Variants in KCNC1 observed in about 807,000 individuals in gnomAD.
KCNC1 encodes potassium voltage-gated channel subfamily C member 1.
In KCNC1, 8 loss-of-function variants were observed where a neutral mutation model predicts 43.4. The observed-to-expected ratio is 0.18, with a 90% CI of 0.11 to 0.33. The LOEUF is 0.33. Among genes scored for constraint, KCNC1 ranks in the 10% least tolerant of loss-of-function variants. The probability of loss-of-function intolerance (pLI) is 1.00; values close to 1 mark genes in which losing one functional copy is unlikely to be tolerated. For missense variants in KCNC1, 420 were observed against 836.0 expected, an observed-to-expected ratio of 0.50 and a Z score of 6.14; for synonymous variants, 361 against 360.5, an observed-to-expected ratio of 1.00 and a Z score of -0.01.
rs759197392 is a variant in KCNC1 at position 17,779,867 on chromosome 11, G to T, written c.1693+223G>T. The T allele has an allele frequency of 3.3e-4, 136 of 413,402 alleles. No homozygotes were observed. Among genetic ancestry groups the T allele is most frequent in the Non-Finnish European group, 4.8e-4 (113 of 234,062 alleles). The allele number at this position is 413,402 out of a possible 1,614,324, so 25.6% of individuals were successfully genotyped here. A position where few individuals can be genotyped will look rare whatever the true frequency, so the allele number is the denominator to read the frequency against. ...AGAACTTGAGGCCCTGGCAGCTGTG[G>T]GTTGCTGGGAGTTGAGAGGGGATTG... On this transcript the variant is annotated intron_variant, in intron 3 of 3. Transcript: ENST00000265969. The surrounding 1 kb of genome is among the most constrained non-coding windows in gnomAD (Gnocchi z 7.2).
intron 1 of KCNC1, among the ~76,000 whole-genome samples, chr11:17,740,977 G>A (rs541410925): frequency 6.6e-6 from 1 of 152,118 alleles, no homozygotes; most frequent in Non-Finnish European, 1.5e-5. Flanking sequence ...GAGGGCTGGG[G>A]GACAGAGCTA....
chr11:17,770,044 T>C lies in KCNC1; in HGVS notation c.571-1621T>C, dbSNP rs527878725. On this transcript the variant is annotated intron_variant, in intron 1 of 3. Transcript: ENST00000265969. ...GTGGTTTGGAAGGTCCACATAATTC[T>C]TGGTTCCCAGATCCCTGCCAGGTTG... is the stretch of plus-strand genomic sequence containing the variant. 1.4e-3 allele frequency among the ~76,000 whole-genome samples: 207 copies of C among 152,356 alleles called. 1 individual carries two copies. Among genetic ancestry groups the C allele is most frequent in the African/African-American group, 4.4e-3 (181 of 41,574 alleles).
chr11:17,754,027 C>T (rs1458577506), intron 1 of KCNC1, among the ~76,000 whole-genome samples: 1 of 152,222 alleles, frequency 6.6e-6, no homozygotes, highest in East Asian at 1.9e-4. Context: ...CTTGTGCGCA[C>T]TCTCCATGAA....
intron 1 of KCNC1, among the ~76,000 whole-genome samples, chr11:17,740,403 C>A (rs1182847605): frequency 6.6e-6 from 1 of 152,064 alleles, no homozygotes; most frequent in African/African-American, 2.4e-5. Flanking sequence ...CTGGGGCAAC[C>A]TTTGAGGGGC....
At chr11:17,761,095 C>T (rs1408220675) in intron 1 of KCNC1, among the ~76,000 whole-genome samples, 2 of 152,208 alleles carry the variant, frequency 1.3e-5, no homozygotes, top group African/African-American at 2.4e-5. Context: ...GTCCCCCTCA[C>T]CTCGAGGACC....
At position 17,772,297 on chromosome 11, in the gene KCNC1, G is replaced by T; in HGVS notation, c.1203G>T (p.Leu401=). ...GGGCCGTGGTCACCATGACGACCCT[G>T]GGCTATGGAGACATGTACCCGCAGA... is the stretch of plus-strand genomic sequence containing the variant. ...FWWAVVTMTT[L]GYGDMYPQTW... The change falls in exon 2 of 4, where the codon CTG becomes CTT. Residue 401 remains leucine (L), a synonymous_variant. Transcript: ENST00000265969. The T allele has an allele frequency of 6.2e-7, 1 of 1,614,220 alleles. No homozygotes were observed. Among genetic ancestry groups the T allele is most frequent in the South Asian group, 1.1e-5 (1 of 91,080 alleles).
rs1159746484 is a variant in KCNC1 at position 17,736,555 on chromosome 11, T to G, written c.553T>G (p.Ser185Ala). 6.4e-7 allele frequency: 1 copy of G among 1,555,010 alleles called. No individual in the cohort carries two copies. Among genetic ancestry groups the G allele is most frequent in the Non-Finnish European group, 8.6e-7 (1 of 1,161,196 alleles). The change falls in exon 1 of 4, where the codon TCG becomes GCG. Residue 185 changes from serine to alanine, a missense_variant. This residue lies in a region of KCNC1 where 151 missense variants were observed against 216.7 expected (regional missense o/e 0.70). Transcript: ENST00000265969. This position sits in a 1 kb window ranked among gnomAD's most constrained non-coding sequence, Gnocchi z 9.3. Reference sequence around the variant, plus strand: ...CTGGGCGCTCTTCGAGGACCCGTACTCGTCCCGCTACGCGCGGGTAAGTGA... The same window carrying G: ...CTGGGCGCTCTTCGAGGACCCGTACGCGTCCCGCTACGCGCGGGTAAGTGA... The part of the protein sequence containing the change: ...RIWALFEDPY[S>A]SRYARYVAFA...
chr11:17,738,745 C>A (rs1434792676), intron 1 of KCNC1, among the ~76,000 whole-genome samples: 1 of 152,244 alleles, frequency 6.6e-6, no homozygotes, highest in African/African-American at 2.4e-5. Flanking sequence ...TGAAAAAAAT[C>A]TCTGAAGTGA....
rs1335122112 is a variant in KCNC1 at position 17,773,560 on chromosome 11, G to T, written c.1504+962G>T. ...CTTTCCCGTGAATTCACTGGGGGCC[G>T]GGAGGGGGGAGGGGGGCATGAAACA... On this transcript the variant is annotated intron_variant, in intron 2 of 3. Transcript: ENST00000265969. The surrounding 1 kb of genome is among the most constrained non-coding windows in gnomAD (Gnocchi z 4.1). The T allele has an allele frequency of 7.1e-6, 7 of 984,810 alleles. No homozygotes were observed. Among genetic ancestry groups the T allele is most frequent in the African/African-American group, 1.8e-5 (1 of 57,074 alleles). The allele number at this position is 984,810 out of a possible 1,614,324, so 61.0% of individuals were successfully genotyped here. A position where few individuals can be genotyped will look rare whatever the true frequency, so the allele number is the denominator to read the frequency against.
intron 1 of KCNC1, among the ~76,000 whole-genome samples, chr11:17,749,702 G>A (rs968300384): frequency 6.6e-6 from 1 of 152,234 alleles, no homozygotes; most frequent in Non-Finnish European, 1.5e-5. Flanking sequence ...GCTGGGCCCT[G>A]TAAACCCACG....
At position 17,772,537 on chromosome 11, in the gene KCNC1, C is replaced by T; in HGVS notation, c.1443C>T (p.His481=). Residue 481 remains histidine, a synonymous_variant, in exon 2 of 4, where the codon CAC becomes CAT. Coordinates refer to ENST00000265969, the MANE Select transcript of KCNC1 (RefSeq NM_001112741.2). ...AATCTGTCGTAAACTCTCCACACCA[C>T]AGTACTCAGAGTGACACATGTCCGC... ...YCKSVVNSPH[H]STQSDTCPLA... 1 of 1,614,222 alleles carries T rather than the reference C, an allele frequency of 6.2e-7. No individual in the cohort carries two copies. The highest frequency in any genetic ancestry group is 2.2e-5 in the East Asian group (1 of 44,888).
rs527769858 is a variant in KCNC1, at chr11:17,776,658, G to A, written c.1505-2798G>A. 5.0e-4 allele frequency: 491 copies of A among 985,204 alleles called. 2 individuals are homozygous for A. The African/African-American group carries it at 7.9e-3, about 16-fold the overall frequency. The allele number at this position is 985,204 out of a possible 1,614,324, so 61.0% of individuals were successfully genotyped here. On this transcript the variant is annotated intron_variant, in intron 2 of 3. Coordinates refer to ENST00000265969, the MANE Select transcript of KCNC1 (RefSeq NM_001112741.2). This position sits in a 1 kb window ranked among gnomAD's most constrained non-coding sequence, Gnocchi z 4.4. ...GTCTAGTGGGGGCCTGGGGGCCCTG[G>A]GCTGGGGGAGGCAGGGCCCCCAGCC... is the stretch of plus-strand genomic sequence containing the variant.
At chr11:17,745,949 C>G (rs1848893988) in intron 1 of KCNC1, among the ~76,000 whole-genome samples, 1 of 152,196 alleles carries the variant, frequency 6.6e-6, no homozygotes, top group Non-Finnish European at 1.5e-5. Context: ...CCCCACTAGA[C>G]TGTACAGTCC....
intron 2 of KCNC1, among the ~76,000 whole-genome samples, chr11:17,778,705 G>C (rs892897691): frequency 1.3e-5 from 2 of 152,210 alleles, no homozygotes; most frequent in African/African-American, 4.8e-5. Context: ...GGACTGGTCT[G>C]TATGGGGGGT....
intron 1 of KCNC1, among the ~76,000 whole-genome samples, chr11:17,743,366 C>T (rs16934680): frequency 0.19 from 29,530 of 152,068 alleles, 3,152 homozygotes; most frequent in African/African-American, 0.28. Context: ...TTTGAATTTC[C>T]GTCTGGGTCT....
intron 1 of KCNC1, among the ~76,000 whole-genome samples, chr11:17,740,438 G>C (rs978946058): frequency 5.3e-5 from 8 of 152,114 alleles, no homozygotes; most frequent in African/African-American, 1.9e-4. Flanking sequence ...CAGGTGGAGA[G>C]GGCAGGGGGG....
In KCNC1 at chr11:17,771,871, G is replaced by A. The variant is rs1590106495; in HGVS notation, c.777G>A (p.Glu259=). 1 of 1,614,202 alleles carries A rather than the reference G, an allele frequency of 6.2e-7. No homozygotes were observed. Among genetic ancestry groups the A allele is most frequent in the Non-Finnish European group, 8.5e-7 (1 of 1,180,018 alleles). ...EGVCVVWFTF[E]FLMRVIFCPN... ...TCTGTGTGGTCTGGTTCACCTTCGA[G>A]TTCCTCATGCGTGTCATCTTCTGCC... is the stretch of plus-strand genomic sequence containing the variant. Residue 259 remains glutamate (E), a synonymous_variant, in exon 2 of 4, where the codon GAG becomes GAA. Transcript: ENST00000265969. The surrounding 1 kb of genome is among the most constrained non-coding windows in gnomAD (Gnocchi z 4.7).
Position 17,777,137 on chromosome 11 carries a change from C to A in KCNC1, c.1505-2319C>A, listed in dbSNP as rs1166258728. 3.0e-6 allele frequency: 3 copies of A among 984,148 alleles called. No homozygotes were observed. Among genetic ancestry groups the A allele is most frequent in the Non-Finnish European group, 3.6e-6 (3 of 829,490 alleles). The allele number at this position is 984,148 out of a possible 1,614,324, so 61.0% of individuals were successfully genotyped here. ...CTTTAGTGATTGTGAGAGCTGGGAG[C>A]CCCCAGGGCCTGGGGGCTTGTGGAC... On this transcript the variant is annotated intron_variant, in intron 2 of 3. Transcript: ENST00000265969. This position sits in a 1 kb window ranked among gnomAD's most constrained non-coding sequence, Gnocchi z 4.3.
chr11:17,764,189 C>T (rs2133798947), intron 1 of KCNC1, among the ~76,000 whole-genome samples: 1 of 149,546 alleles, frequency 6.7e-6, no homozygotes, highest in East Asian at 2.0e-4. Context: ...ACAAACCACA[C>T]ATAGCCCCAT....
Sources: allele counts gnomAD v4.1 joint callset (sites outside exome capture counted in the v4.1 genomes callset), GRCh38; gene constraint gnomAD v4.1.1; regional missense constraint gnomAD v4.1.1; non-coding constraint Gnocchi (gnomAD v3.1); transcripts MANE v1.5; gene names NCBI Gene and HGNC (gene_info 2026-07-23, HGNC 2026-07-21).